TBK1: variants seen among roughly 807,000 people sequenced by gnomAD.
TBK1 encodes the protein serine/threonine-protein kinase TBK1.
A neutral mutation model predicts 99.9 loss-of-function variants in TBK1; 37 were observed. That is an observed-to-expected ratio of 0.37 (90% CI 0.28 to 0.49). The LOEUF (loss-of-function observed/expected upper bound fraction) is 0.49. Among genes scored for constraint, TBK1 ranks in the 20% least tolerant of loss-of-function variants. TBK1 has a pLI of 0.98. For synonymous variants in TBK1, 258 were observed against 279.8 expected (o/e 0.92, Z 0.78); for missense variants, 644 against 872.5 (o/e 0.74, Z 3.30).
At chr12:64,453,153 T>G (rs2040446209) in intron 1 of TBK1, among the ~76,000 whole-genome samples, 1 of 152,248 alleles carries the variant, frequency 6.6e-6, no homozygotes, top group Non-Finnish European at 1.5e-5. Context: ...TGCTGAGTCA[T>G]GTTTTAACAT....
chr12:64,465,203 C>CCACTG (rs2040589370), intron 4 of TBK1, among the ~76,000 whole-genome samples: 2 of 138,146 alleles, frequency 1.4e-5, no homozygotes, highest in African/African-American at 5.4e-5. Context: ...CTTGATTGTG[C>CCACTG]CACTGCACTT....
chr12:64,457,104 A>G (rs1364186365), intron 2 of TBK1, among the ~76,000 whole-genome samples: 2 of 152,120 alleles, frequency 1.3e-5, no homozygotes, highest in African/African-American at 4.8e-5. Context: ...TTTCAGAAAC[A>G]GGGCCCTAAA....
intron 13 of TBK1, among the ~76,000 whole-genome samples, chr12:64,491,128 G>T (rs11175414): frequency 1.3e-5 from 2 of 151,924 alleles, no homozygotes; most frequent in African/African-American, 4.8e-5. Flanking sequence ...ATAGAAGTGC[G>T]CAGGTTTATA....
chr12:64,460,402 G>T (rs1439206269), intron 3 of TBK1, 73 bp downstream of exon 3: 2 of 1,243,362 alleles, frequency 1.6e-6, no homozygotes, highest in Non-Finnish European at 2.1e-6. Context: ...ATTAAAAAAT[G>T]GATTTTTTAA....
intron 6 of TBK1, 133 bp from the exon 7 acceptor site, chr12:64,479,879 C>T (rs1344612555): frequency 1.7e-5 from 10 of 573,636 alleles, no homozygotes; most frequent in Non-Finnish European, 2.8e-5. Flanking sequence ...TTTATGGATC[C>T]TGTGAGCATC....
chr12:64,492,068 T>C (rs1289710920), intron 13 of TBK1, among the ~76,000 whole-genome samples: 1 of 152,162 alleles, frequency 6.6e-6, no homozygotes. Context: ...AAGCACAAAA[T>C]AGTCTTCCCC....
chr12:64,497,588 A>G, intron 18 of TBK1, 60 bp from the exon 19 acceptor site: 4 of 1,118,988 alleles, frequency 3.6e-6, no homozygotes, highest in Non-Finnish European at 5.1e-6. Flanking sequence ...TGTAGTAAGT[A>G]CTTTTGTTCT....
intron 2 of TBK1, among the ~76,000 whole-genome samples, chr12:64,456,230 C>G (rs1240555196): frequency 6.6e-6 from 1 of 152,068 alleles, no homozygotes; most frequent in Non-Finnish European, 1.5e-5. Context: ...TGATGCTTTC[C>G]CCAGCCCAGC....
In TBK1 at chr12:64,467,061, G is replaced by C. The variant is rs73313869; in HGVS notation, c.519G>C (p.Leu173=). The C allele has an allele frequency of 1.2e-6, 2 of 1,604,926 alleles. No individual in the cohort carries two copies. The highest frequency in any genetic ancestry group is 1.3e-5 in the African/African-American group (1 of 74,404). The change falls in exon 5 of 21, where the codon CTG becomes CTC. Residue 173 remains leucine, a synonymous_variant. Coordinates refer to ENST00000331710, the MANE Select transcript of TBK1 (RefSeq NM_013254.4). ...ELEDDEQFVS[L]YGTEEYLHPD... Reference sequence around the variant, plus strand: ...AAGATGATGAGCAGTTTGTTTCTCTGTATGGCACAGAAGAATATTTGGTAA... The same window carrying C: ...AAGATGATGAGCAGTTTGTTTCTCTCTATGGCACAGAAGAATATTTGGTAA...
chr12:64,479,341 C>T (rs538658731), intron 6 of TBK1, among the ~76,000 whole-genome samples: 29 of 152,260 alleles, frequency 1.9e-4, no homozygotes, highest in African/African-American at 5.5e-4. Context: ...TTATTTTTCA[C>T]GTTAATTTCC....
intron 13 of TBK1, among the ~76,000 whole-genome samples, chr12:64,492,913 T>G (rs1402953758): frequency 6.6e-6 from 1 of 150,424 alleles, no homozygotes; most frequent in East Asian, 2.0e-4. Flanking sequence ...TTTTTTTTTT[T>G]TGGAGACGAA....
At chr12:64,497,417 C>T (rs2040939429) in intron 18 of TBK1, among the ~76,000 whole-genome samples, 158 bp downstream of exon 18, 2 of 152,078 alleles carry the variant, frequency 1.3e-5, no homozygotes, top group African/African-American at 4.8e-5. Flanking sequence ...AGATGTTTTA[C>T]AACTAAAAAC....
rs2040948224 is a variant in TBK1 at position 64,498,059 on chromosome 12, T to A, written c.2138+20T>A. 3 of 1,587,834 alleles carry A rather than the reference T, an allele frequency of 1.9e-6. No homozygotes were observed. The highest frequency in any genetic ancestry group is 1.7e-6 in the Non-Finnish European group (2 of 1,164,000). Reference sequence around the variant, plus strand: ...AGAAAGGTGAGTAATGCAAAAATAATTACTGTGATTTTCTGTGCAATTGAG... The same window carrying A: ...AGAAAGGTGAGTAATGCAAAAATAAATACTGTGATTTTCTGTGCAATTGAG... On this transcript the variant is annotated intron_variant, in intron 20 of 20. Coordinates refer to ENST00000331710, the MANE Select transcript of TBK1 (RefSeq NM_013254.4).
intron 2 of TBK1, among the ~76,000 whole-genome samples, chr12:64,457,124 A>G (rs1218606352): frequency 6.6e-6 from 1 of 152,198 alleles, no homozygotes; most frequent in African/African-American, 2.4e-5. Context: ...ACGTTTTAGT[A>G]GAGAGGAATT....
chr12:64,455,906 T>C lies in TBK1; in HGVS notation c.36T>C (p.Ser12=). Residue 12 remains serine, a synonymous_variant, in exon 2 of 21, where the codon TCT becomes TCC. Coordinates refer to ENST00000331710, the MANE Select transcript of TBK1 (RefSeq NM_013254.4). ...CTTCTAATCATCTGTGGCTTTTATC[T>C]GATATTTTAGGCCAAGGAGCTACTG... ...QSTSNHLWLL[S]DILGQGATAN... The C allele has an allele frequency of 6.2e-7, 1 of 1,613,996 alleles. No individual in the cohort carries two copies. The highest frequency in any genetic ancestry group is 1.1e-5 in the South Asian group (1 of 91,044).
At chr12:64,458,427 G>A (rs1465205855) in intron 2 of TBK1, among the ~76,000 whole-genome samples, 6 of 151,696 alleles carry the variant, frequency 4.0e-5, no homozygotes, top group Non-Finnish European at 8.8e-5. Flanking sequence ...ATGAGTGTGG[G>A]TGTGTGTATA....
chr12:64,487,110 A>T (rs572355081), intron 11 of TBK1, among the ~76,000 whole-genome samples: 15 of 152,332 alleles, frequency 9.8e-5, no homozygotes, highest in African/African-American at 3.1e-4. Flanking sequence ...TGTAAGATGG[A>T]TGTAATTTTT....
intron 13 of TBK1, 64 bp from the exon 14 acceptor site, chr12:64,495,419 T>C: frequency 6.4e-7 from 1 of 1,564,562 alleles, no homozygotes; most frequent in Admixed American, 2.0e-5. Context: ...TTAGACTTTG[T>C]TGGGACTGTG....
intron 5 of TBK1, among the ~76,000 whole-genome samples, chr12:64,472,074 G>C (rs2136067790): frequency 6.6e-6 from 1 of 151,190 alleles, no homozygotes; most frequent in East Asian, 1.9e-4. Flanking sequence ...TCACTTCTTT[G>C]GACAATAATC....
Sources: gnomAD v4.1 joint callset for allele counts (sites outside exome capture counted in the v4.1 genomes callset) on GRCh38, gnomAD v4.1.1 for gene constraint, MANE v1.5 for transcripts, NCBI Gene and HGNC (gene_info 2026-07-23, HGNC 2026-07-21) for gene names.